The following SYNE2 variants were observed in gnomAD, a reference collection of about 807,000 sequenced individuals.
The protein encoded by SYNE2 is nesprin-2.
Under a neutral mutation model 856.3 loss-of-function variants are expected in SYNE2, and 431 were observed. The ratio of observed to expected loss-of-function variants is 0.50; its 90% CI spans 0.47 to 0.55. SYNE2 has a LOEUF of 0.55. SYNE2 is among the 20% of genes least tolerant of loss of function. The pLI, the probability that SYNE2 is intolerant of heterozygous loss-of-function variation, is 0.00. For missense variants in SYNE2, 8,129 were observed against 8,023.2 expected (o/e 1.01, Z -0.50); for synonymous variants, 2,923 against 2,872.3 (o/e 1.02, Z -0.56).
At chr14:64,164,087 CTTATTTATTTATTTATTTAT>C (rs59794233) in intron 89 of SYNE2, among the ~76,000 whole-genome samples, 29 of 137,838 alleles carry the variant, frequency 2.1e-4, no homozygotes, top group African/African-American at 8.0e-4. Flanking sequence ...GCCTGGCTTG[CTTATTTATTTATTTATTTAT>C]TTATTTATTT....
chr14:64,036,497 C>T (rs1006004956), intron 45 of SYNE2, among the ~76,000 whole-genome samples: 4 of 152,082 alleles, frequency 2.6e-5, no homozygotes, highest in Non-Finnish European at 5.9e-5. Context: ...GTTGCCCGGG[C>T]AGGTCTCAAA....
chr14:63,942,186 A>G (rs1324620544), intron 6 of SYNE2, 43 bp downstream of exon 6: 2 of 1,191,020 alleles, frequency 1.7e-6, no homozygotes, highest in Non-Finnish European at 2.5e-6. Flanking sequence ...ACCCTACCAC[A>G]GTATAAAATA....
intron 70 of SYNE2, among the ~76,000 whole-genome samples, chr14:64,123,868 T>TCACACA (rs34459065): frequency 2.0e-5 from 3 of 148,250 alleles, no homozygotes; most frequent in South Asian, 2.1e-4. Flanking sequence ...ATTAATGATT[T>TCACACA]CACACACACA....
At position 64,037,567 on chromosome 14, in the gene SYNE2, A is replaced by G. The variant is rs571117770; in HGVS notation, c.7221+6210A>G. On this transcript the variant is annotated intron_variant, in intron 45 of 115. Transcript: ENST00000555002. ...GACACGGCAACCATCCGATTTCTCA[A>G]TCTTTTCCCCACCTTTCCCCCCTTT... Among the ~76,000 whole-genome samples, 278 of 61,196 alleles carry G rather than the reference A, an allele frequency of 4.5e-3. 7 individuals carry two copies. The East Asian group carries it at 0.11, about 25-fold the overall frequency. 40.1% of individuals were successfully genotyped at this position (61,196 alleles called of 152,430 possible). A position where few individuals can be genotyped will look rare whatever the true frequency, so the allele number is the denominator to read the frequency against.
Position 64,225,018 on chromosome 14 carries a change from C to T in SYNE2, c.20489C>T (p.Thr6830Ile). ...CAGCAGTTCAGAGCAGTGAGAACTA[C>T]AGAAGGCGAGGAGGAGACAGAGAGC... ...PRAKFRAVRT[T>I]EGEEETESRV... The change falls in exon 115 of 116, where the codon ACA becomes ATA. Residue 6830 changes from threonine to isoleucine, a missense_variant. Thr to Ile is a moderately conservative substitution (Grantham distance 89, BLOSUM62 -1). This residue lies in a region of SYNE2 where 5,410 missense variants were observed against 5,284.8 expected (regional missense o/e 1.02). Coordinates refer to ENST00000555002, the MANE Select transcript of SYNE2 (RefSeq NM_182914.3). The T allele has an allele frequency of 6.2e-7, 1 of 1,613,830 alleles. No individual in the cohort carries two copies. Among genetic ancestry groups the T allele is most frequent in the Non-Finnish European group, 8.5e-7 (1 of 1,179,954 alleles).
At chr14:64,197,287 G>A (rs2098544803) in intron 99 of SYNE2, among the ~76,000 whole-genome samples, 1 of 152,130 alleles carries the variant, frequency 6.6e-6, no homozygotes, top group South Asian at 2.1e-4. Flanking sequence ...CATGCGTGTG[G>A]TGTCTGCAGT....
At chr14:63,873,366 A>G (rs1386799045) in intron 1 of SYNE2, 1 of 152,002 alleles carries the variant, frequency 6.6e-6, no homozygotes, top group Non-Finnish European at 1.5e-5. Context: ...TGGACTCTAC[A>G]GTACTCTAAA....
intron 1 of SYNE2, among the ~76,000 whole-genome samples, chr14:63,875,486 CCTT>C (rs2094694707): frequency 6.6e-6 from 1 of 152,128 alleles, no homozygotes; most frequent in African/African-American, 2.4e-5. Flanking sequence ...ATCACTTCCT[CCTT>C]CTCCTGGGAA....
At chr14:63,953,494 A>G (rs1196537177) in intron 7 of SYNE2, among the ~76,000 whole-genome samples, 3 of 151,578 alleles carry the variant, frequency 2.0e-5, no homozygotes, top group South Asian at 2.1e-4. Context: ...TCTAAATACA[A>G]TGGCTAGCTA....
At chr14:64,206,887 T>C (rs540030274) in intron 100 of SYNE2, among the ~76,000 whole-genome samples, 1 of 152,348 alleles carries the variant, frequency 6.6e-6, no homozygotes, top group East Asian at 1.9e-4. Flanking sequence ...TTTTAGTATT[T>C]ACATGGGATA....
chr14:64,073,105 T>A (rs2097425489), intron 52 of SYNE2, among the ~76,000 whole-genome samples: 1 of 152,136 alleles, frequency 6.6e-6, no homozygotes, highest in Non-Finnish European at 1.5e-5. Flanking sequence ...GACTTCATTA[T>A]GTAGTCATGA....
chr14:64,115,412 A>G (rs2097846537), intron 66 of SYNE2, among the ~76,000 whole-genome samples: 1 of 151,974 alleles, frequency 6.6e-6, no homozygotes, highest in African/African-American at 2.4e-5. Flanking sequence ...AGGGGAGAGG[A>G]GAAACGGAGA....
intron 65 of SYNE2, among the ~76,000 whole-genome samples, chr14:64,110,079 T>C (rs2097794708): frequency 6.6e-6 from 1 of 152,322 alleles, no homozygotes; most frequent in South Asian, 2.1e-4. Context: ...TGCAGTTAGG[T>C]ACTGTACTTT....
intron 1 of SYNE2, among the ~76,000 whole-genome samples, chr14:63,877,145 T>C (rs2094743683): frequency 6.6e-6 from 1 of 152,172 alleles, no homozygotes; most frequent in Admixed American, 6.5e-5. Context: ...TAATAAATTA[T>C]GTTTGGGTTT....
chr14:64,146,030 A>G (rs763526260), intron 83 of SYNE2, 38 bp from the exon 84 acceptor site: 10 of 1,440,178 alleles, frequency 6.9e-6, no homozygotes, highest in Non-Finnish European at 7.5e-6. Context: ...TTTAAAACAT[A>G]CATTTTAACA....
At chr14:63,893,591 A>T (rs2095185487) in intron 1 of SYNE2, among the ~76,000 whole-genome samples, 1 of 152,114 alleles carries the variant, frequency 6.6e-6, no homozygotes, top group Non-Finnish European at 1.5e-5. Flanking sequence ...CTTCAACAAC[A>T]TTGCTCAAGT....
intron 2 of SYNE2, among the ~76,000 whole-genome samples, chr14:63,915,930 C>T (rs568207174): frequency 1.3e-5 from 2 of 152,018 alleles, no homozygotes; most frequent in Non-Finnish European, 2.9e-5. Context: ...TTACAAACAT[C>T]GTAATGGAGA....
At chr14:63,894,169 T>C (rs1438220099) in intron 1 of SYNE2, among the ~76,000 whole-genome samples, 1 of 152,216 alleles carries the variant, frequency 6.6e-6, no homozygotes, top group East Asian at 1.9e-4. Context: ...ATGTTTAAGA[T>C]GGACTTTTTC....
At chr14:63,880,697 G>A (rs890307409) in intron 1 of SYNE2, among the ~76,000 whole-genome samples, 1 of 145,192 alleles carries the variant, frequency 6.9e-6, no homozygotes, top group Admixed American at 6.9e-5. Context: ...TTTTAAGACA[G>A]GGTCTCACTC....
Sources: allele counts gnomAD v4.1 joint callset (sites outside exome capture counted in the v4.1 genomes callset), GRCh38; gene constraint gnomAD v4.1.1; regional missense constraint gnomAD v4.1.1; transcripts MANE v1.5; gene names NCBI Gene and HGNC (gene_info 2026-07-23, HGNC 2026-07-21).